Variants in ZSCAN31 observed in about 807,000 individuals in gnomAD.
The protein encoded by ZSCAN31 is zinc finger and SCAN domain containing 31.
ZSCAN31 carries 14 observed loss-of-function variants against 22.5 expected under a neutral mutation model. That is an observed-to-expected ratio of 0.62 (90% CI 0.41 to 0.97). The LOEUF (loss-of-function observed/expected upper bound fraction) is 0.97, where lower values mean the gene tolerates loss of function less well. ZSCAN31 is among the 50% of genes least tolerant of loss of function. The pLI, the probability that ZSCAN31 is intolerant of heterozygous loss-of-function variation, is 0.00. For missense variants in ZSCAN31, 424 were observed against 483.4 expected (o/e 0.88, Z 1.15); for synonymous variants, 168 against 169.8 (o/e 0.99, Z 0.08).
intron 3 of ZSCAN31, among the ~76,000 whole-genome samples, 159 bp from the exon 4 acceptor site, chr6:28,327,013 A>C (rs1763335561): frequency 6.6e-6 from 1 of 152,196 alleles, no homozygotes; most frequent in South Asian, 2.1e-4. Context: ...TGTTTAGGCT[A>C]GTAGAGTAAG....
At chr6:28,354,551 G>C (rs764834368), upstream of ZSCAN31, among the ~76,000 whole-genome samples, 45 of 152,122 alleles carry the variant, frequency 3.0e-4, 1 homozygote, top group Non-Finnish European at 5.9e-4. Flanking sequence ...GGGCACACAG[G>C]CCCAATGTAT....
chr6:28,326,660 C>G lies in ZSCAN31; in HGVS notation c.727G>C (p.Glu243Gln). The G allele has an allele frequency of 6.2e-7, 1 of 1,614,252 alleles. No individual in the cohort carries two copies. Among genetic ancestry groups the G allele is most frequent in the Non-Finnish European group, 8.5e-7 (1 of 1,180,046 alleles). The change falls in exon 4 of 4, where the codon GAA (glutamate) becomes CAA (glutamine). Residue 243 changes from glutamate (E) to glutamine (Q), a missense_variant. Glu to Gln is a conservative substitution (Grantham distance 29, BLOSUM62 2). Transcript: ENST00000344279. ...STGERRHRCN[E>Q]CGKSFTKSSV... ...CTCTTAGTGAAGCTTTTCCCACATT[C>G]ATTGCACCTGTGGCGTCTCTCTCCA...
At position 28,326,622 on chromosome 6, in the gene ZSCAN31, A is replaced by C. The variant is rs759360476; in HGVS notation, c.765T>G (p.Ile255Met). ...CCCCAGTGTGGATTCTCTGGTGCTC[A>C]ATGAGTACTGAACTCTTAGTGAAGC... ...GKSFTKSSVL[I>M]EHQRIHTGEK... The change falls in exon 4 of 4, where the codon ATT becomes ATG. Residue 255 changes from isoleucine to methionine, a missense_variant. Transcript: ENST00000344279. The C allele has an allele frequency of 1.2e-5, 19 of 1,613,978 alleles. No homozygotes were observed. The South Asian group carries it at 2.1e-4, about 18-fold the overall frequency.
At chr6:28,334,457 T>C (rs147234397) in intron 1 of ZSCAN31, among the ~76,000 whole-genome samples, 3 of 152,364 alleles carry the variant, frequency 2.0e-5, no homozygotes, top group African/African-American at 4.8e-5. Flanking sequence ...ATGAGAATGT[T>C]TTCATTCACG....
upstream of ZSCAN31, chr6:28,336,866 G>A (rs1764200598): frequency 6.6e-6 from 1 of 152,222 alleles, no homozygotes; most frequent in African/African-American, 2.4e-5. Flanking sequence ...GTGGGGACGA[G>A]AATACAGAGT....
At position 28,326,776 on chromosome 6, in the gene ZSCAN31, C is replaced by T; in HGVS notation, c.611G>A (p.Ser204Asn). 6.2e-7 allele frequency: 1 copy of T among 1,613,766 alleles called. No individual in the cohort carries two copies. Among genetic ancestry groups the T allele is most frequent in the South Asian group, 1.1e-5 (1 of 91,084 alleles). The change falls in exon 4 of 4, where the codon AGC becomes AAC. Residue 204 changes from serine (S) to asparagine (N), a missense_variant. Physicochemically the swap from Ser to Asn is conservative, Grantham distance 46. Transcript: ENST00000344279. Reference protein sequence around the residue: ...ILKEMEHLGDSKLQRDVSLDS... With the variant: ...ILKEMEHLGDNKLQRDVSLDS... ...CAAAGATACATCTCTTTGGAGTTTG[C>T]TATCCCCCAAATGTTCCATTTCTTT...
chr6:28,346,340 A>ATATTTTTTTTTT (rs1764639201), intron 2 of ZSCAN31, among the ~76,000 whole-genome samples: 1 of 88,604 alleles, frequency 1.1e-5, no homozygotes, highest in African/African-American at 6.0e-5. Context: ...CCTCAGTACA[A>ATATTTTTTTTTT]TCTTTTTTTT....
In ZSCAN31 at chr6:28,324,866, T is replaced by C. The variant is rs990937214; in HGVS notation, c.*1300A>G. On this transcript the variant is annotated 3_prime_UTR_variant, in exon 4 of 4. Transcript: ENST00000344279. The surrounding 1 kb of genome is among the most constrained non-coding windows in gnomAD (Gnocchi z 4.8). ...GGCATTTCGTATCCTAATTTTAACATGATACTTAAAATTCTACCTACATTT... is the reference window on the plus strand; with the variant it reads ...GGCATTTCGTATCCTAATTTTAACACGATACTTAAAATTCTACCTACATTT... 6.6e-6 allele frequency: 1 copy of C among 152,242 alleles called. No individual in the cohort carries two copies. The highest frequency in any genetic ancestry group is 2.4e-5 in the African/African-American group (1 of 41,460). The allele number at this position is 152,242 out of a possible 1,614,324, so 9.4% of individuals were successfully genotyped here.
Position 28,326,685 on chromosome 6 carries a change from A to G in ZSCAN31, c.702T>C (p.Thr234=). The change falls in exon 4 of 4, where the codon ACT becomes ACC. Residue 234 remains threonine, a synonymous_variant. Transcript: ENST00000344279. The stretch of plus-strand genomic sequence containing the variant: ...CATTGCACCTGTGGCGTCTCTCTCC[A>G]GTGGAATGTGCCTGCTGCTTTTCTG... ...SKAEKQQAHS[T]GERRHRCNEC... is the part of the protein sequence containing the mutation. 6.2e-7 allele frequency: 1 copy of G among 1,614,180 alleles called. No homozygotes were observed. The highest frequency in any genetic ancestry group is 2.2e-5 in the East Asian group (1 of 44,886).
At chr6:28,332,469 T>A (rs1205819480) in intron 1 of ZSCAN31, 1 of 152,204 alleles carries the variant, frequency 6.6e-6, no homozygotes, top group Non-Finnish European at 1.5e-5. Context: ...AACGTTCAAA[T>A]CCTGTGGCCT....
upstream of ZSCAN31, among the ~76,000 whole-genome samples, chr6:28,354,358 G>A (rs79650281): frequency 5.9e-3 from 892 of 152,290 alleles, 7 homozygotes; most frequent in South Asian, 0.019. Context: ...TATCTGCCTC[G>A]GCCTATTCTT....
intron 2 of ZSCAN31, among the ~76,000 whole-genome samples, chr6:28,345,096 G>A (rs1764587111): frequency 1.4e-5 from 2 of 145,498 alleles, no homozygotes; most frequent in Middle Eastern, 3.6e-3. Context: ...AGTGAGCTGA[G>A]ATTGCACCAT....
Position 28,325,367 on chromosome 6 carries a change from G to A in ZSCAN31, c.*799C>T, listed in dbSNP as rs1311536203. 6.6e-6 allele frequency: 1 copy of A among 152,140 alleles called. No individual in the cohort carries two copies. Among genetic ancestry groups the A allele is most frequent in the East Asian group, 1.9e-4 (1 of 5,192 alleles). The allele number at this position is 152,140 out of a possible 1,614,324, so 9.4% of individuals were successfully genotyped here. A position where few individuals can be genotyped will look rare whatever the true frequency, so the allele number is the denominator to read the frequency against. Reference sequence around the variant, plus strand: ...CTTACTTATTATTTGTAACAAAAATGGAAAACTTACAGTAATGACCTGCAT... The same window carrying A: ...CTTACTTATTATTTGTAACAAAAATAGAAAACTTACAGTAATGACCTGCAT... On this transcript the variant is annotated 3_prime_UTR_variant, in exon 4 of 4. Transcript: ENST00000344279.
At chr6:28,353,227 A>G (rs1381981250) in intron 2 of ZSCAN31, 1 of 152,702 alleles carries the variant, frequency 6.5e-6, no homozygotes, top group Non-Finnish European at 1.5e-5. Context: ...TCAGCCTCCC[A>G]AAGTGTTGGG....
At chr6:28,348,043 AT>A (rs894304857) in intron 2 of ZSCAN31, among the ~76,000 whole-genome samples, 1 of 148,586 alleles carries the variant, frequency 6.7e-6, no homozygotes, top group African/African-American at 2.6e-5. Context: ...ATTTTTTGCC[AT>A]TTTTTTTCTG....
rs778469156 is a variant in ZSCAN31, at chr6:28,329,458, C to A, written c.226G>T (p.Glu76Ter). 6.2e-7 allele frequency: 1 copy of A among 1,614,186 alleles called. No individual in the cohort carries two copies. Among genetic ancestry groups the A allele is most frequent in the South Asian group, 1.1e-5 (1 of 91,082 alleles). The change falls in exon 2 of 4, where the codon GAG becomes TAG. Residue 76 changes from glutamate (E) to a stop codon, truncating the protein, a stop_gained. Coordinates refer to ENST00000344279, the MANE Select transcript of ZSCAN31 (RefSeq NM_030899.5). LOFTEE classifies it high-confidence loss of function. ...AGCACCAGCAGCTCCAAGATTTGCT[C>A]TTTGGTGTGGATTTCTGGCCTTAGC... ...QWLRPEIHTK[E>*]QILELLVLEQ...
Position 28,326,077 on chromosome 6 carries a change from A to G in ZSCAN31, c.*89T>C, listed in dbSNP as rs1763232625. ...ATTTAGGGGTCTGAGGGTCCACAGA[A>G]TTAGTCCAGTTCTGCTGGAACAGTA... On this transcript the variant is annotated 3_prime_UTR_variant, in exon 4 of 4. Transcript: ENST00000344279. 24 of 1,262,208 alleles carry G rather than the reference A, an allele frequency of 1.9e-5. No homozygotes were observed. Among genetic ancestry groups the G allele is most frequent in the Non-Finnish European group, 2.4e-5 (22 of 911,514 alleles). 78.2% of individuals were successfully genotyped at this position (1,262,208 alleles called of 1,614,324 possible).
At chr6:28,328,848 T>C (rs1267427123) in intron 2 of ZSCAN31, among the ~76,000 whole-genome samples, 1 of 152,206 alleles carries the variant, frequency 6.6e-6, no homozygotes, top group Non-Finnish European at 1.5e-5. Context: ...TAAATGTCCA[T>C]GAAATCTTCA....
rs750108503 is a variant in ZSCAN31, at chr6:28,326,662, T to C, written c.725A>G (p.Asn242Ser). 3 of 1,614,204 alleles carry C rather than the reference T, an allele frequency of 1.9e-6. No individual in the cohort carries two copies. The highest frequency in any genetic ancestry group is 1.7e-5 in the Admixed American group (1 of 60,032). The change falls in exon 4 of 4, where the codon AAT (asparagine) becomes AGT (serine). Residue 242 changes from asparagine to serine, a missense_variant. By Grantham distance (46) the Asn-to-Ser change is conservative. Transcript: ENST00000344279. ...HSTGERRHRC[N>S]ECGKSFTKSS... is the part of the protein sequence containing the mutation. Reference sequence around the variant, plus strand: ...CTTAGTGAAGCTTTTCCCACATTCATTGCACCTGTGGCGTCTCTCTCCAGT... The same window carrying C: ...CTTAGTGAAGCTTTTCCCACATTCACTGCACCTGTGGCGTCTCTCTCCAGT...
Sources: allele counts gnomAD v4.1 joint callset (sites outside exome capture counted in the v4.1 genomes callset), GRCh38; gene constraint gnomAD v4.1.1; non-coding constraint Gnocchi (gnomAD v3.1); transcripts MANE v1.5; gene names NCBI Gene and HGNC (gene_info 2026-07-23, HGNC 2026-07-21).